ZNF518B: variants seen among roughly 807,000 people sequenced by gnomAD.
ZNF518B encodes the protein zinc finger protein 518B.
In ZNF518B, 23 loss-of-function variants were observed where a neutral mutation model predicts 56.3. That is an observed-to-expected ratio of 0.41 (90% CI 0.29 to 0.58). The LOEUF is 0.58. Ranked by LOEUF, ZNF518B falls within the 20% of genes least tolerant of loss-of-function variation. The probability of loss-of-function intolerance (pLI) is 0.32; values close to 1 mark genes in which losing one functional copy is unlikely to be tolerated. For synonymous variants in ZNF518B, 529 were observed against 465.9 expected, an observed-to-expected ratio of 1.14 and a Z score of -1.74; for missense variants, 1,460 against 1,272.1, an observed-to-expected ratio of 1.15 and a Z score of -2.25.
At chr4:10,449,473 A>AT (rs1482059620) in intron 2 of ZNF518B, among the ~76,000 whole-genome samples, 1 of 152,210 alleles carries the variant, frequency 6.6e-6, no homozygotes, top group Non-Finnish European at 1.5e-5. Flanking sequence ...TAGGCAGCCA[A>AT]TTTTATATTC....
intron 2 of ZNF518B, among the ~76,000 whole-genome samples, chr4:10,450,117 A>G (rs115940493): frequency 0.019 from 2,872 of 152,368 alleles, 42 homozygotes; most frequent in Non-Finnish European, 0.032. Context: ...TGAGGAAGGC[A>G]GAGTCTTGGA....
Position 10,440,815 on chromosome 4 carries a change from AAAAAGCACTATGTGGTGAGG to A in ZNF518B, c.*2269_*2288del, listed in dbSNP as rs1333295466. 6.6e-6 allele frequency: 1 copy of A among 152,212 alleles called. No individual in the cohort carries two copies. The highest frequency in any genetic ancestry group is 1.5e-5 in the Non-Finnish European group (1 of 68,030). The allele number at this position is 152,212 out of a possible 1,614,324, so 9.4% of individuals were successfully genotyped here. The stretch of plus-strand genomic sequence containing the variant: ...CCAATTCTCAGTCCAGCTTTTCAGG[AAAAAGCACTATGTGGTGAGG>A]AATAGGAGATAAAAAAGTGGCAAAC... On this transcript the variant is annotated 3_prime_UTR_variant, in exon 3 of 3. Coordinates refer to ENST00000326756, the MANE Select transcript of ZNF518B (RefSeq NM_053042.3).
At chr4:10,453,035 A>C (rs986002722) in intron 2 of ZNF518B, 3 of 152,270 alleles carry the variant, frequency 2.0e-5, no homozygotes, top group Non-Finnish European at 4.4e-5. Context: ...TGGGACAAGA[A>C]GAACAAGGTT....
At chr4:10,457,673 G>A (rs1168735362), upstream of ZNF518B, among the ~76,000 whole-genome samples, 2 of 152,250 alleles carry the variant, frequency 1.3e-5, no homozygotes, top group Admixed American at 1.3e-4. Flanking sequence ...TCCTGGCCCA[G>A]TCTGCCATCC....
chr4:10,444,652 G>T lies in ZNF518B; in HGVS notation c.1677C>A (p.Val559=), dbSNP rs138448653. Reference sequence around the variant, plus strand: ...AGGAAACCACTTTTACAGGAATATTGACTTTACTTGTAGATTCCAAGTCAT... The same window carrying T: ...AGGAAACCACTTTTACAGGAATATTTACTTTACTTGTAGATTCCAAGTCAT... ...SENDLESTSK[V]NIPVKVVSSN... The change falls in exon 3 of 3, where the codon GTC becomes GTA. Residue 559 remains valine (V), a synonymous_variant. Transcript: ENST00000326756. 233 of 1,614,116 alleles carry T rather than the reference G, an allele frequency of 1.4e-4. 2 individuals carry two copies. The Admixed American group carries it at 1.6e-3, about 11-fold the overall frequency.
chr4:10,461,268 T>A (rs1038211543), upstream of ZNF518B, among the ~76,000 whole-genome samples: 5 of 152,186 alleles, frequency 3.3e-5, no homozygotes, highest in Non-Finnish European at 5.9e-5. Context: ...CAGCCGCCCT[T>A]TCCCGCCCTG....
rs1045777728 is a variant in ZNF518B at position 10,440,982 on chromosome 4, G to A, written c.*2122C>T. 5 of 125,674 alleles carry A rather than the reference G, an allele frequency of 4.0e-5. No homozygotes were observed. Among genetic ancestry groups the A allele is most frequent in the African/African-American group, 1.3e-4 (4 of 31,726 alleles). 7.8% of individuals were successfully genotyped at this position (125,674 alleles called of 1,614,324 possible). On this transcript the variant is annotated 3_prime_UTR_variant, in exon 3 of 3. Coordinates refer to ENST00000326756, the MANE Select transcript of ZNF518B (RefSeq NM_053042.3). ...ATGGATAAAACTTCGAATGCTCTAC[G>A]TAGTGAAGTGGTACCAAAGATCTAC...
Position 10,444,114 on chromosome 4 carries a change from G to C in ZNF518B, c.2215C>G (p.Leu739Val), listed in dbSNP as rs1560168798. ...TGTGGATATATTTGTTGATGAGTAA[G>C]CTGTCTATTACCAGTAATACCACCA... ...NDGGITGNRQ[L>V]THQQIYPHFA... Residue 739 changes from leucine to valine, a missense_variant, in exon 3 of 3, where the codon CTT (leucine) becomes GTT (valine). Transcript: ENST00000326756. The C allele has an allele frequency of 6.2e-7, 1 of 1,614,228 alleles. No homozygotes were observed. Among genetic ancestry groups the C allele is most frequent in the Non-Finnish European group, 8.5e-7 (1 of 1,180,036 alleles).
chr4:10,459,065 A>G (rs1425033175), upstream of ZNF518B, among the ~76,000 whole-genome samples: 1 of 152,200 alleles, frequency 6.6e-6, no homozygotes, highest in Non-Finnish European at 1.5e-5. Flanking sequence ...GCCACATAGA[A>G]GTTGTGAGCC....
At chr4:10,455,313 A>G (rs68050111) in intron 1 of ZNF518B, among the ~76,000 whole-genome samples, 26,508 of 152,166 alleles carry the variant, frequency 0.17, 2,798 homozygotes, top group African/African-American at 0.3. Context: ...AATCCTGGAA[A>G]TTGCAGTTAG....
Position 10,443,960 on chromosome 4 carries a change from A to G in ZNF518B, c.2369T>C (p.Ile790Thr). 1 of 1,613,504 alleles carries G rather than the reference A, an allele frequency of 6.2e-7. No individual in the cohort carries two copies. Among genetic ancestry groups the G allele is most frequent in the East Asian group, 2.2e-5 (1 of 44,888 alleles). ...GACAGGTGCTTCACATGTAGCCTCT[A>G]TGATGTGGGCATTCTCAGAGGAATT... ...VLNSSENAHI[I>T]EATCEAPVSI... The change falls in exon 3 of 3, where the codon ATA becomes ACA. Residue 790 changes from isoleucine to threonine, a missense_variant. Coordinates refer to ENST00000326756, the MANE Select transcript of ZNF518B (RefSeq NM_053042.3).
chr4:10,454,275 CTCTG>C (rs1332087311), intron 2 of ZNF518B: 1 of 152,232 alleles, frequency 6.6e-6, no homozygotes, highest in Non-Finnish European at 1.5e-5. Context: ...CAATGATGCT[CTCTG>C]TAAGATGTAT....
At chr4:10,460,325 CA>C (rs1043723933), upstream of ZNF518B, among the ~76,000 whole-genome samples, 13 of 57,600 alleles carry the variant, frequency 2.3e-4, no homozygotes, top group African/African-American at 1.7e-3. Context: ...AAAAAAAAAC[CA>C]AAAAAAAAAA....
At chr4:10,448,897 A>C (rs1452416424) in intron 2 of ZNF518B, among the ~76,000 whole-genome samples, 2 of 152,186 alleles carry the variant, frequency 1.3e-5, no homozygotes, top group Non-Finnish European at 2.9e-5. Context: ...GAAGGAAGAC[A>C]GAAGTAACTC....
chr4:10,446,364 C>A lies in ZNF518B; in HGVS notation c.-36G>T. 1 of 1,516,734 alleles carries A rather than the reference C, an allele frequency of 6.6e-7. No individual in the cohort carries two copies. Among genetic ancestry groups the A allele is most frequent in the South Asian group, 1.2e-5 (1 of 85,538 alleles). 94.0% of individuals were successfully genotyped at this position (1,516,734 alleles called of 1,614,324 possible). On this transcript the variant is annotated 5_prime_UTR_variant, in exon 3 of 3. Transcript: ENST00000326756. ...TTTCTAAAAAGAGCCAACTAAAATT[C>A]AGAAAGTTTTCACATGATAAAATCC...
At chr4:10,458,394 G>T (rs987472574), upstream of ZNF518B, among the ~76,000 whole-genome samples, 18 of 152,214 alleles carry the variant, frequency 1.2e-4, no homozygotes, top group Non-Finnish European at 2.6e-4. Context: ...GCGGCCAAAG[G>T]TCGGCGTGCA....
rs533894817 is a variant in ZNF518B, at chr4:10,443,980, G to C, written c.2349C>G (p.Ser783=). The C allele has an allele frequency of 6.2e-7, 1 of 1,614,202 alleles. No homozygotes were observed. The highest frequency in any genetic ancestry group is 1.1e-5 in the South Asian group (1 of 91,076). The change falls in exon 3 of 3, where the codon TCC becomes TCG. Residue 783 remains serine, a synonymous_variant. Coordinates refer to ENST00000326756, the MANE Select transcript of ZNF518B (RefSeq NM_053042.3). ...PKGAVLRVLN[S]SENAHIIEAT... Reference sequence around the variant, plus strand: ...CCTCTATGATGTGGGCATTCTCAGAGGAATTAAGAACCCTCAACACAGCCC... The same window carrying C: ...CCTCTATGATGTGGGCATTCTCAGACGAATTAAGAACCCTCAACACAGCCC...
intron 1 of ZNF518B, 110 bp downstream of exon 1, chr4:10,457,202 CGGCCT>C (rs1377157160): frequency 2.0e-5 from 3 of 149,708 alleles, no homozygotes; most frequent in Non-Finnish European, 4.5e-5. Context: ...CGACCCGCCC[CGGCCT>C]GGCCCCGTCA....
chr4:10,456,939 C>T (rs1378972515), intron 1 of ZNF518B, among the ~76,000 whole-genome samples: 2 of 151,232 alleles, frequency 1.3e-5, no homozygotes, highest in Non-Finnish European at 3.0e-5. Flanking sequence ...GACGCTGCCA[C>T]CCCCGCCTCG....
Sources: allele counts gnomAD v4.1 joint callset (sites outside exome capture counted in the v4.1 genomes callset), GRCh38; gene constraint gnomAD v4.1.1; transcripts MANE v1.5; gene names NCBI Gene and HGNC (gene_info 2026-07-23, HGNC 2026-07-21).